Variants in ROBO2 observed in about 807,000 individuals in gnomAD.
ROBO2 encodes the protein roundabout guidance receptor 2, also known as roundabout homolog 2.
ROBO2 carries 53 observed loss-of-function variants against 160.8 expected under a neutral mutation model. The ratio of observed to expected loss-of-function variants is 0.33; its 90% CI spans 0.26 to 0.41. ROBO2 has a LOEUF of 0.41. ROBO2 is among the 10% of genes least tolerant of loss of function. The pLI is 1.00. For synonymous variants in ROBO2, 664 were observed against 611.7 expected, an observed-to-expected ratio of 1.09 and a Z score of -1.26; for missense variants, 1,577 against 1,722.4, an observed-to-expected ratio of 0.92 and a Z score of 1.49.
At chr3:76,634,788 T>C (rs1173742391) in intron 2 of ROBO2, among the ~76,000 whole-genome samples, 1 of 152,174 alleles carries the variant, frequency 6.6e-6, no homozygotes, top group African/African-American at 2.4e-5. Flanking sequence ...TACCAGTAAG[T>C]GGCCTGTTAG....
chr3:77,425,384 A>G (rs184189397), intron 2 of ROBO2, among the ~76,000 whole-genome samples: 155 of 152,288 alleles, frequency 1.0e-3, no homozygotes, highest in African/African-American at 3.4e-3. Context: ...AAAAGAAAAA[A>G]CATAGCTTGA....
At chr3:77,315,586 A>G (rs2153426013) in intron 2 of ROBO2, among the ~76,000 whole-genome samples, 2 of 152,322 alleles carry the variant, frequency 1.3e-5, no homozygotes, top group African/African-American at 4.8e-5. Flanking sequence ...GGCTGTTATC[A>G]GTTAGGAATT....
intron 2 of ROBO2, among the ~76,000 whole-genome samples, chr3:76,979,600 G>A (rs1392908990): frequency 1.3e-5 from 2 of 151,716 alleles, no homozygotes; most frequent in Admixed American, 6.6e-5. Context: ...TGTGGTGTGT[G>A]TGTGTGTGTG....
At chr3:76,050,629 C>CTT (rs1255830344) in intron 2 of ROBO2, among the ~76,000 whole-genome samples, 295 of 152,296 alleles carry the variant, frequency 1.9e-3, no homozygotes, top group African/African-American at 6.9e-3. Flanking sequence ...GTGGCCACTG[C>CTT]CTCTCTTACA....
At position 77,564,836 on chromosome 3, in the gene ROBO2, T is replaced by C. The variant is rs367959412; in HGVS notation, c.1683-118T>C. The C allele has an allele frequency of 2.9e-4, 226 of 786,158 alleles. No homozygotes were observed. The Middle Eastern group carries it at 3.1e-3, about 11-fold the overall frequency. The allele number at this position is 786,158 out of a possible 1,614,324, so 48.7% of individuals were successfully genotyped here. Reference sequence around the variant, plus strand: ...TTTATTGGGCTGAATACTTCAAGTGTTGTGTGTGTGTGTGTGTGTGTTTAA... The same window carrying C: ...TTTATTGGGCTGAATACTTCAAGTGCTGTGTGTGTGTGTGTGTGTGTTTAA... On this transcript the variant is annotated intron_variant, in intron 11 of 25. Coordinates refer to ENST00000461745, the Ensembl canonical transcript of ROBO2.
chr3:76,053,237 G>A (rs2067714637), intron 2 of ROBO2, among the ~76,000 whole-genome samples: 1 of 151,892 alleles, frequency 6.6e-6, no homozygotes, highest in Non-Finnish European at 1.5e-5. Flanking sequence ...GTATCTGAGG[G>A]CCAAGTCTGT....
chr3:76,654,192 G>C (rs2109933064), intron 2 of ROBO2, among the ~76,000 whole-genome samples: 1 of 152,204 alleles, frequency 6.6e-6, no homozygotes, highest in African/African-American at 2.4e-5. Flanking sequence ...TCTCACTTTA[G>C]AAAGCCGTCA....
chr3:77,293,615 A>G (rs2061602110), intron 2 of ROBO2, among the ~76,000 whole-genome samples: 1 of 145,340 alleles, frequency 6.9e-6, no homozygotes, highest in African/African-American at 2.7e-5. Flanking sequence ...GACACAAAGT[A>G]AAATTGACGG....
intron 2 of ROBO2, among the ~76,000 whole-genome samples, chr3:77,113,017 A>G (rs942476741): frequency 2.0e-5 from 3 of 152,350 alleles, no homozygotes; most frequent in Middle Eastern, 3.4e-3. Flanking sequence ...CAAGGAATTC[A>G]ATAAAGTAGA....
intron 2 of ROBO2, among the ~76,000 whole-genome samples, chr3:77,328,979 AT>A (rs1164810357): frequency 6.6e-6 from 1 of 152,096 alleles, no homozygotes; most frequent in African/African-American, 2.4e-5. Context: ...ACAACTTTTA[AT>A]TTTTTCTTTT....
intron 2 of ROBO2, among the ~76,000 whole-genome samples, chr3:77,010,973 C>T (rs1308545268): frequency 6.8e-6 from 1 of 147,350 alleles, no homozygotes; most frequent in Non-Finnish European, 1.5e-5. Context: ...CTCTGTATTG[C>T]TTTTCCTTCC....
At chr3:77,588,838 C>T (rs1257618726) in exon 17 of ROBO2, 1 of 1,613,484 alleles carries the variant, frequency 6.2e-7, no homozygotes, top group South Asian at 1.1e-5. Context: ...GCCTTTATAG[C>T]TGGTATTGGT....
At chr3:76,442,573 G>A (rs2076977062) in intron 2 of ROBO2, among the ~76,000 whole-genome samples, 1 of 152,130 alleles carries the variant, frequency 6.6e-6, no homozygotes, top group Non-Finnish European at 1.5e-5. Flanking sequence ...ACTTTCTGGT[G>A]TTTCAGTTAC....
chr3:76,742,205 A>T (rs1282558113), intron 2 of ROBO2, among the ~76,000 whole-genome samples: 1 of 150,536 alleles, frequency 6.6e-6, no homozygotes, highest in Non-Finnish European at 1.5e-5. Flanking sequence ...AAGATGTTCT[A>T]CATATTTTAC....
rs565259030 is a variant in ROBO2 at position 77,155,239 on chromosome 3, A to C, written c.388+56899A>C. Among the ~76,000 whole-genome samples, 16 of 152,054 alleles carry C rather than the reference A, an allele frequency of 1.1e-4. 1 individual carries two copies. The highest frequency in any genetic ancestry group is 9.2e-4 in the Admixed American group (14 of 15,244). On this transcript the variant is annotated intron_variant, in intron 2 of 25. Coordinates refer to ENST00000461745, the Ensembl canonical transcript of ROBO2. The stretch of plus-strand genomic sequence containing the variant: ...TCTGTGCATATATCAGATTCATAGC[A>C]AGGGGGAATTAAATTAGCAGATGGA...
At position 76,757,550 on chromosome 3, in the gene ROBO2, G is replaced by C. The variant is rs534537475; in HGVS notation, c.110-340464G>C. 3.3e-5 allele frequency among the ~76,000 whole-genome samples: 5 copies of C among 151,842 alleles called. No individual in the cohort carries two copies. The South Asian group carries it at 8.3e-4, about 25-fold the overall frequency. Reference sequence around the variant, plus strand: ...CTTCTCAGAAATATCACAGTGTTAAGAATAATCAATTTTGATCTTACAACT... The same window carrying C: ...CTTCTCAGAAATATCACAGTGTTAACAATAATCAATTTTGATCTTACAACT... On this transcript the variant is annotated intron_variant, in intron 2 of 26. Coordinates refer to the ROBO2 transcript ENST00000487694.
At chr3:76,900,239 G>A (rs1428772867) in intron 2 of ROBO2, among the ~76,000 whole-genome samples, 3 of 152,140 alleles carry the variant, frequency 2.0e-5, no homozygotes, top group African/African-American at 4.8e-5. Flanking sequence ...CAACATGTGG[G>A]AATTATGGAA....
At chr3:76,793,255 T>C (rs1274473056) in intron 2 of ROBO2, among the ~76,000 whole-genome samples, 1 of 151,864 alleles carries the variant, frequency 6.6e-6, no homozygotes, top group Admixed American at 6.6e-5. Context: ...TTAACAAATA[T>C]CTATTATTAA....
chr3:75,953,203 A>G (rs1948612346), intron 2 of ROBO2, among the ~76,000 whole-genome samples: 1 of 151,998 alleles, frequency 6.6e-6, no homozygotes, highest in African/African-American at 2.4e-5. Context: ...CTGACTCCCA[A>G]AGTAGCTGTA....
Sources: gnomAD v4.1 joint callset for allele counts (sites outside exome capture counted in the v4.1 genomes callset) on GRCh38, gnomAD v4.1.1 for gene constraint, MANE v1.5 for transcripts, NCBI Gene and HGNC (gene_info 2026-07-23, HGNC 2026-07-21) for gene names.